HEPH: variants seen among roughly 807,000 people sequenced by gnomAD.
HEPH encodes the protein hephaestin.
HEPH carries 69 observed loss-of-function variants against 80.8 expected under a neutral mutation model. The observed-to-expected ratio is 0.85, with a 90% CI of 0.70 to 1.04. The LOEUF (loss-of-function observed/expected upper bound fraction) is 1.04, where lower values mean the gene tolerates loss of function less well. Among genes scored for constraint, HEPH ranks in the 50% least tolerant of loss-of-function variants. The probability of loss-of-function intolerance (pLI) is 0.00; values close to 1 mark genes in which losing one functional copy is unlikely to be tolerated. For missense variants in HEPH, 1,115 were observed against 891.3 expected (o/e 1.25, Z -3.20); for synonymous variants, 431 against 322.8 (o/e 1.34, Z -3.60).
chrX:66,190,708 A>G (rs888674924), intron 6 of HEPH, among the ~76,000 whole-genome samples: 1 of 112,002 alleles, frequency 8.9e-6, no homozygotes, highest in Non-Finnish European at 1.9e-5. Flanking sequence ...GAAAAATGAT[A>G]TGTGAGTACT....
intron 19 of HEPH, among the ~76,000 whole-genome samples, chrX:66,262,344 A>G (rs781406191): frequency 8.9e-6 from 1 of 111,991 alleles, no homozygotes; most frequent in Admixed American, 9.4e-5. Context: ...ATCAATGTGT[A>G]GGTTTGACCA....
rs748869673 is a variant in HEPH, at chrX:66,193,537, G to A, written c.1268G>A (p.Arg423Gln). The A allele has an allele frequency of 1.7e-6, 2 of 1,184,545 alleles. No individual in the cohort carries two copies. Among genetic ancestry groups the A allele is most frequent in the South Asian group, 1.9e-5 (1 of 53,268 alleles). ...SDKFFQKSSSRIGGTYWKVRY... is the reference protein window; with the variant it reads ...SDKFFQKSSSQIGGTYWKVRY... ...AAGTTTTTCCAGAAGAGCTCCAGCC[G>A]AATTGGGGGCACTTACTGGAAAGTG... Residue 423 changes from arginine to glutamine, a missense_variant, in exon 8 of 21, where the codon CGA becomes CAA. Physicochemically the swap from Arg to Gln is conservative, Grantham distance 43. Transcript: ENST00000343002.
chrX:66,245,336 T>C (rs1344022914), intron 15 of HEPH, among the ~76,000 whole-genome samples: 1 of 111,224 alleles, frequency 9.0e-6, no homozygotes, highest in Admixed American at 9.5e-5. Context: ...AATCCTAGTC[T>C]CTGATAAAAC....
intron 15 of HEPH, among the ~76,000 whole-genome samples, chrX:66,217,015 C>G (rs753488181): frequency 5.0e-4 from 55 of 110,725 alleles, no homozygotes; most frequent in African/African-American, 1.5e-3. Flanking sequence ...AGAAAAGCCT[C>G]CAAGAAGTTT....
chrX:66,222,381 AATCTGGGCCT>A (rs1435105803), intron 15 of HEPH, among the ~76,000 whole-genome samples: 1 of 112,504 alleles, frequency 8.9e-6, no homozygotes. Context: ...GAAAGGGGAC[AATCTGGGCCT>A]CTGGCTTGCC....
At chrX:66,206,177 C>A (rs928866647) in intron 13 of HEPH, among the ~76,000 whole-genome samples, 1 of 109,776 alleles carries the variant, frequency 9.1e-6, no homozygotes, top group Admixed American at 9.8e-5. Flanking sequence ...TTAATACTTT[C>A]CTGCCACCTT....
chrX:66,164,764 A>G (rs1358724552), intron 1 of HEPH, among the ~76,000 whole-genome samples: 4 of 112,147 alleles, frequency 3.6e-5, no homozygotes, highest in Non-Finnish European at 7.5e-5. Context: ...TCTGTTTCAC[A>G]GGTTGAGGAA....
intron 15 of HEPH, among the ~76,000 whole-genome samples, chrX:66,228,457 T>C (rs2089982018): frequency 8.8e-6 from 1 of 113,087 alleles, no homozygotes; most frequent in African/African-American, 3.2e-5. Flanking sequence ...AAAATCCTTC[T>C]AGACATTGGC....
At chrX:66,200,905 G>A (rs951164138) in intron 12 of HEPH, among the ~76,000 whole-genome samples, 153 bp downstream of exon 12, 1 of 111,498 alleles carries the variant, frequency 9.0e-6, no homozygotes, top group Non-Finnish European at 1.9e-5. Context: ...TCTTCAATGT[G>A]CTCTCCATGT....
intron 15 of HEPH, among the ~76,000 whole-genome samples, chrX:66,236,205 G>A (rs998425798): frequency 9.0e-6 from 1 of 111,501 alleles, no homozygotes; most frequent in East Asian, 2.8e-4. Context: ...GGGACAAAAG[G>A]TGGTTTCCAG....
At chrX:66,214,391 A>G (rs2089292605) in intron 15 of HEPH, among the ~76,000 whole-genome samples, 1 of 111,999 alleles carries the variant, frequency 8.9e-6, no homozygotes, top group South Asian at 3.7e-4. Context: ...GCTATATTTT[A>G]GTCATTAATC....
intron 4 of HEPH, among the ~76,000 whole-genome samples, chrX:66,179,762 C>T (rs1042288617): frequency 1.8e-5 from 2 of 110,938 alleles, no homozygotes; most frequent in Non-Finnish European, 3.8e-5. Flanking sequence ...TTGGGAGCTC[C>T]AGTGTTAGGT....
intron 1 of HEPH, among the ~76,000 whole-genome samples, chrX:66,165,698 C>G (rs1340081328): frequency 9.0e-6 from 1 of 111,727 alleles, no homozygotes; most frequent in Non-Finnish European, 1.9e-5. Flanking sequence ...GATCTTCTCT[C>G]CAGGTTGGCA....
chrX:66,195,813 T>C (rs978495558), intron 9 of HEPH, among the ~76,000 whole-genome samples: 6 of 112,126 alleles, frequency 5.4e-5, no homozygotes, highest in African/African-American at 1.9e-4. Context: ...GCATATATCC[T>C]AGCTTGCATT....
chrX:66,262,339 T>C (rs1031400686), intron 19 of HEPH, among the ~76,000 whole-genome samples: 1 of 111,880 alleles, frequency 8.9e-6, no homozygotes, highest in African/African-American at 3.2e-5. Flanking sequence ...TAAGGATCAA[T>C]GTGTAGGTTT....
intron 4 of HEPH, among the ~76,000 whole-genome samples, chrX:66,174,055 T>C (rs767430135): frequency 1.8e-5 from 2 of 110,420 alleles, no homozygotes; most frequent in African/African-American, 6.6e-5. Context: ...AGGTGGTATT[T>C]GGTTACATGA....
intron 12 of HEPH, among the ~76,000 whole-genome samples, chrX:66,202,612 C>T (rs1487509443): frequency 9.1e-6 from 1 of 110,356 alleles, no homozygotes; most frequent in African/African-American, 3.3e-5. Flanking sequence ...GGTAAGCATC[C>T]CTCTGCAATC....
In HEPH at chrX:66,190,404, A is replaced by T. The variant is rs748972136; in HGVS notation, c.1063+466A>T. On this transcript the variant is annotated intron_variant, in intron 6 of 20. Transcript: ENST00000343002. ...AGTAGGAGTGGAAGGTTTTATTTTC[A>T]AAGGGAGAAACATTAATGTCATTGC... 9.0e-5 allele frequency among the ~76,000 whole-genome samples: 10 copies of T among 111,287 alleles called. No homozygotes were observed. The South Asian group carries it at 3.1e-3, about 34-fold the overall frequency.
At chrX:66,206,524 A>G in intron 13 of HEPH, among the ~76,000 whole-genome samples, 1 of 105,575 alleles carries the variant, frequency 9.5e-6, no homozygotes, top group Non-Finnish European at 1.9e-5. Flanking sequence ...CACTACACCC[A>G]GCTGATTTTT....
Sources: gnomAD v4.1 joint callset for allele counts (sites outside exome capture counted in the v4.1 genomes callset) on GRCh38, gnomAD v4.1.1 for gene constraint, MANE v1.5 for transcripts, NCBI Gene and HGNC (gene_info 2026-07-23, HGNC 2026-07-21) for gene names.